Variants in PDE1A observed in about 807,000 individuals in gnomAD.
PDE1A encodes the protein phosphodiesterase 1A.
PDE1A carries 35 observed loss-of-function variants against 61.7 expected under a neutral mutation model. The observed-to-expected ratio is 0.57, with a 90% confidence interval of 0.43 to 0.75. The LOEUF (loss-of-function observed/expected upper bound fraction) is 0.75, where lower values mean the gene tolerates loss of function less well. Ranked by LOEUF, PDE1A falls within the 30% of genes least tolerant of loss-of-function variation. PDE1A has a pLI of 0.00. For missense variants in PDE1A, 597 were observed against 630.6 expected (o/e 0.95, Z 0.57); for synonymous variants, 232 against 213.2 (o/e 1.09, Z -0.77).
rs566393989 is a variant in PDE1A, at chr2:182,446,189, G to T, written c.101+76087C>A. Among the ~76,000 whole-genome samples the T allele has an allele frequency of 2.6e-5, 4 of 152,100 alleles. No individual in the cohort carries two copies. In the East Asian group the frequency reaches 7.8e-4, roughly 29 times the overall value. On this transcript the variant is annotated intron_variant, in intron 2 of 14. Transcript: ENST00000410103. Reference sequence around the variant, plus strand: ...AAGTGGTCAGCAATGGTTTCCCAGGGTTATTTTGTAGTATCTTAAAATGCT... The same window carrying T: ...AAGTGGTCAGCAATGGTTTCCCAGGTTTATTTTGTAGTATCTTAAAATGCT...
At chr2:182,602,208 C>A in the PDE1A span, among the ~76,000 whole-genome samples, 4 of 152,214 alleles carry the variant, frequency 2.6e-5, no homozygotes, top group Non-Finnish European at 5.9e-5. Flanking sequence ...GTGCAGGATG[C>A]GTGAGTCTGC....
chr2:182,554,594 G>A, the PDE1A span, among the ~76,000 whole-genome samples: 1 of 151,994 alleles, frequency 6.6e-6, no homozygotes, highest in Admixed American at 6.6e-5. Context: ...GTGAACTTTG[G>A]CGAGTTAGTT....
intron 7 of PDE1A, among the ~76,000 whole-genome samples, chr2:182,221,497 C>T (rs550077761): frequency 6.6e-6 from 1 of 152,208 alleles, no homozygotes; most frequent in East Asian, 1.9e-4. Context: ...TCTCCCTATA[C>T]TCTGCAAATA....
At chr2:182,529,694 G>A in the PDE1A span, among the ~76,000 whole-genome samples, 1 of 152,152 alleles carries the variant, frequency 6.6e-6, no homozygotes, top group Non-Finnish European at 1.5e-5. Flanking sequence ...GAGGACCACT[G>A]GGAGATAATT....
intron 2 of PDE1A, among the ~76,000 whole-genome samples, chr2:182,242,633 T>C (rs1323358848): frequency 6.6e-6 from 1 of 152,188 alleles, no homozygotes; most frequent in Non-Finnish European, 1.5e-5. Context: ...TAAAGCAGAT[T>C]ACCCTCTAAA....
the PDE1A span, among the ~76,000 whole-genome samples, chr2:182,628,816 G>C: frequency 1.3e-5 from 2 of 151,894 alleles, no homozygotes. Context: ...CCCTACTCTT[G>C]ACCCCCCCAG....
chr2:182,289,430 A>T (rs1694378183), intron 1 of PDE1A, among the ~76,000 whole-genome samples: 1 of 152,120 alleles, frequency 6.6e-6, no homozygotes, highest in Non-Finnish European at 1.5e-5. Flanking sequence ...AAGACACAGA[A>T]GCGGAGATGC....
intron 13 of PDE1A, among the ~76,000 whole-genome samples, chr2:182,180,509 C>T (rs1340156589): frequency 6.6e-6 from 1 of 152,066 alleles, no homozygotes; most frequent in East Asian, 1.9e-4. Flanking sequence ...CTCTGGCTGC[C>T]CTTAAACATT....
chr2:182,361,338 T>A (rs532068830), intron 1 of PDE1A, among the ~76,000 whole-genome samples: 6 of 152,220 alleles, frequency 3.9e-5, no homozygotes, highest in African/African-American at 1.4e-4. Flanking sequence ...AAAAATGTGA[T>A]CTCTAAACAC....
intron 13 of PDE1A, among the ~76,000 whole-genome samples, chr2:182,154,397 T>A (rs567308051): frequency 6.6e-6 from 1 of 152,344 alleles, no homozygotes; most frequent in African/African-American, 2.4e-5. Context: ...AATAAACATG[T>A]ATCATTCATC....
intron 2 of PDE1A, among the ~76,000 whole-genome samples, chr2:182,493,926 C>A (rs558562505): frequency 6.6e-6 from 1 of 152,312 alleles, no homozygotes; most frequent in South Asian, 2.1e-4. Context: ...ATGTGTGAAC[C>A]ACTGAGCCCA....
At chr2:182,308,513 T>C (rs969770604) in intron 1 of PDE1A, among the ~76,000 whole-genome samples, 1 of 152,134 alleles carries the variant, frequency 6.6e-6, no homozygotes, top group Non-Finnish European at 1.5e-5. Context: ...TAAATCCATA[T>C]GTGGATCATG....
chr2:182,406,604 T>C (rs1437441909), intron 1 of PDE1A, among the ~76,000 whole-genome samples: 1 of 152,148 alleles, frequency 6.6e-6, no homozygotes, highest in Non-Finnish European at 1.5e-5. Flanking sequence ...ATAGTTAGCA[T>C]GTTGGATATT....
At chr2:182,330,702 A>C (rs193302817) in intron 1 of PDE1A, among the ~76,000 whole-genome samples, 6 of 152,274 alleles carry the variant, frequency 3.9e-5, no homozygotes, top group Admixed American at 2.6e-4. Flanking sequence ...TCAAAAGGTC[A>C]GTGATGACCT....
At chr2:182,483,851 C>G (rs954878498) in intron 2 of PDE1A, among the ~76,000 whole-genome samples, 1 of 151,724 alleles carries the variant, frequency 6.6e-6, no homozygotes, top group Non-Finnish European at 1.5e-5. Flanking sequence ...TTGAAAAGAT[C>G]AACAAAACTA....
the PDE1A span, among the ~76,000 whole-genome samples, chr2:182,701,021 T>C: frequency 7.8e-6 from 1 of 128,630 alleles, no homozygotes; most frequent in South Asian, 2.8e-4. Context: ...ACTTCCTGAC[T>C]TTCTGTTTTT....
intron 8 of PDE1A, among the ~76,000 whole-genome samples, chr2:182,202,746 CA>C (rs752342681): frequency 1.9e-4 from 29 of 152,158 alleles, no homozygotes; most frequent in Admixed American, 5.2e-4. Flanking sequence ...CTATTTTAAC[CA>C]AGGCACTGTA....
intron 1 of PDE1A, among the ~76,000 whole-genome samples, chr2:182,333,132 G>A (rs1393912023): frequency 6.6e-6 from 1 of 152,098 alleles, no homozygotes; most frequent in Non-Finnish European, 1.5e-5. Flanking sequence ...ATAATAGTGG[G>A]AGACTTTAAC....
chr2:182,489,261 G>A (rs935175893), intron 2 of PDE1A, among the ~76,000 whole-genome samples: 13 of 152,170 alleles, frequency 8.5e-5, no homozygotes, highest in Non-Finnish European at 2.9e-5. Flanking sequence ...AGTGTGGATG[G>A]AGCCAGTGTG....
Sources: gnomAD v4.1 joint callset for allele counts (sites outside exome capture counted in the v4.1 genomes callset) on GRCh38, gnomAD v4.1.1 for gene constraint, MANE v1.5 for transcripts, NCBI Gene and HGNC (gene_info 2026-07-23, HGNC 2026-07-21) for gene names.